Variants in RBFOX1 observed in about 807,000 individuals in gnomAD.
The protein encoded by RBFOX1 is RNA binding protein fox-1 homolog 1.
RBFOX1 carries 8 observed loss-of-function variants against 57.7 expected under a neutral mutation model. The observed-to-expected ratio is 0.14, with a 90% CI of 0.08 to 0.25. RBFOX1 has a LOEUF of 0.25. Ranked by LOEUF, RBFOX1 falls within the 10% of genes least tolerant of loss-of-function variation. The pLI is 1.00. For missense variants in RBFOX1, 611 were observed against 548.5 expected, an observed-to-expected ratio of 1.11 and a Z score of -1.14; for synonymous variants, 326 against 222.4, an observed-to-expected ratio of 1.47 and a Z score of -4.15.
At chr16:6,016,147 G>A (rs1390038733), upstream of RBFOX1, among the ~76,000 whole-genome samples, 1 of 152,184 alleles carries the variant, frequency 6.6e-6, no homozygotes, top group Non-Finnish European at 1.5e-5. Context: ...TTGATGTAAA[G>A]ACCTTTTAGT....
At chr16:6,854,336 A>C (rs1034138242) in intron 3 of RBFOX1, among the ~76,000 whole-genome samples, 1 of 152,116 alleles carries the variant, frequency 6.6e-6, no homozygotes, top group Non-Finnish European at 1.5e-5. Context: ...GGTACAAATT[A>C]TGGAACCTAT....
chr16:6,536,866 A>AT (rs1265048563), intron 2 of RBFOX1, among the ~76,000 whole-genome samples: 1 of 152,192 alleles, frequency 6.6e-6, no homozygotes, highest in East Asian at 1.9e-4. Context: ...TAATGATAAC[A>AT]TTTTCAGAAT....
chr16:6,082,663 A>C (rs2096021576), intron 1 of RBFOX1, among the ~76,000 whole-genome samples: 1 of 152,016 alleles, frequency 6.6e-6, no homozygotes, highest in South Asian at 2.1e-4. Context: ...CGGAATGATA[A>C]GCTTTGCTTT....
chr16:6,814,689 A>C (rs2089641713), intron 3 of RBFOX1, among the ~76,000 whole-genome samples: 3 of 152,180 alleles, frequency 2.0e-5, no homozygotes, highest in Admixed American at 2.0e-4. Flanking sequence ...AGGGAGCAGC[A>C]TGTGGAAGGT....
At position 6,627,728 on chromosome 16, in the gene RBFOX1, C is replaced by T. The variant is rs140280671; in HGVS notation, c.-63-26875C>T. ...CAAAAGTGAGGTGTCAGTCATCCCC[C>T]CTCTGAGGCCGGAGGGAGGGTGGAG... On this transcript the variant is annotated intron_variant, in intron 2 of 15. Transcript: ENST00000550418. Among the ~76,000 whole-genome samples, 50 of 152,260 alleles carry T rather than the reference C, an allele frequency of 3.3e-4. No homozygotes were observed. In the South Asian group the frequency reaches 8.3e-3, roughly 25 times the overall value.
chr16:6,905,275 T>G (rs1241258097), intron 3 of RBFOX1, among the ~76,000 whole-genome samples: 1 of 152,020 alleles, frequency 6.6e-6, no homozygotes, highest in Non-Finnish European at 1.5e-5. Flanking sequence ...AAAGAATGGC[T>G]GGCCTCAGTA....
intron 2 of RBFOX1, among the ~76,000 whole-genome samples, chr16:5,520,558 G>T (rs2043973792): frequency 6.6e-6 from 1 of 152,142 alleles, no homozygotes; most frequent in African/African-American, 2.4e-5. Context: ...TGCTGAGACT[G>T]GGATGCAATG....
At chr16:5,586,511 T>C (rs1468081595) in intron 2 of RBFOX1, among the ~76,000 whole-genome samples, 1 of 152,214 alleles carries the variant, frequency 6.6e-6, no homozygotes, top group Non-Finnish European at 1.5e-5. Flanking sequence ...GTTCATTCAT[T>C]CGTTCAAGAC....
intron 3 of RBFOX1, chr16:6,874,044 A>G (rs2061401403): frequency 2.0e-5 from 3 of 152,204 alleles, no homozygotes; most frequent in Admixed American, 2.0e-4. Flanking sequence ...TTATCTACCA[A>G]AAGGAAAAGA....
intron 1 of RBFOX1, among the ~76,000 whole-genome samples, chr16:6,088,416 C>G (rs775155091): frequency 4.6e-5 from 7 of 152,146 alleles, no homozygotes; most frequent in Non-Finnish European, 2.9e-5. Context: ...GTGAAATTTT[C>G]TAGCTGAATT....
At chr16:7,170,099 A>T (rs12921701) in intron 4 of RBFOX1, among the ~76,000 whole-genome samples, 1 of 151,960 alleles carries the variant, frequency 6.6e-6, no homozygotes, top group Non-Finnish European at 1.5e-5. Context: ...ATAAATAAGT[A>T]TTTGGTGTAT....
At chr16:7,215,014 C>A (rs1190427913) in intron 4 of RBFOX1, among the ~76,000 whole-genome samples, 2 of 152,046 alleles carry the variant, frequency 1.3e-5, no homozygotes, top group African/African-American at 2.4e-5. Context: ...GGTTTTAAGC[C>A]CCACATGCAT....
At chr16:7,528,255 T>A (rs1567679008) in intron 5 of RBFOX1, among the ~76,000 whole-genome samples, 1 of 152,210 alleles carries the variant, frequency 6.6e-6, no homozygotes, top group African/African-American at 2.4e-5. Context: ...GACTTTGTCC[T>A]CATTTGGTGC....
chr16:5,331,052 C>G (rs17137838), intron 1 of RBFOX1, among the ~76,000 whole-genome samples: 2,790 of 152,200 alleles, frequency 0.018, 71 homozygotes, highest in East Asian at 0.1. Context: ...GCACCAAACT[C>G]TGAGGATCTG....
chr16:6,294,901 A>G (rs2077900871), intron 1 of RBFOX1, among the ~76,000 whole-genome samples: 1 of 152,132 alleles, frequency 6.6e-6, no homozygotes, highest in African/African-American at 2.4e-5. Context: ...CAGCTGATAA[A>G]AAAAGATACA....
At chr16:6,247,303 G>A (rs979274844) in intron 1 of RBFOX1, among the ~76,000 whole-genome samples, 1 of 152,156 alleles carries the variant, frequency 6.6e-6, no homozygotes, top group African/African-American at 2.4e-5. Context: ...CAGGACAGTG[G>A]ACAAAGCCTT....
intron 3 of RBFOX1, among the ~76,000 whole-genome samples, chr16:5,850,120 A>G (rs1169271663): frequency 2.0e-5 from 3 of 152,166 alleles, no homozygotes; most frequent in Non-Finnish European, 2.9e-5. Flanking sequence ...TCGGAGACTC[A>G]GCAATTCAGT....
chr16:7,594,693 A>T (rs73488667), intron 7 of RBFOX1, among the ~76,000 whole-genome samples: 1 of 152,242 alleles, frequency 6.6e-6, no homozygotes, highest in African/African-American at 2.4e-5. Context: ...ATTACATTCT[A>T]TTAACAAAGT....
Position 7,196,126 on chromosome 16 carries a change from C to T in RBFOX1, c.27+144028C>T, listed in dbSNP as rs2086637269. 2.0e-5 allele frequency among the ~76,000 whole-genome samples: 3 copies of T among 152,210 alleles called. No individual in the cohort carries two copies. In the South Asian group the frequency reaches 6.2e-4, roughly 32 times the overall value. On this transcript the variant is annotated intron_variant, in intron 4 of 15. Coordinates refer to ENST00000550418, the MANE Select transcript of RBFOX1 (RefSeq NM_018723.4). ...TTCTCTTCATCATCCTACTCCTCCTCATTTTTCTAAAGGAAGTAAAGGAAC... is the reference window on the plus strand; with the variant it reads ...TTCTCTTCATCATCCTACTCCTCCTTATTTTTCTAAAGGAAGTAAAGGAAC...
Sources: gnomAD v4.1 joint callset for allele counts (sites outside exome capture counted in the v4.1 genomes callset) on GRCh38, gnomAD v4.1.1 for gene constraint, MANE v1.5 for transcripts, NCBI Gene and HGNC (gene_info 2026-07-23, HGNC 2026-07-21) for gene names.